EXT1: variants seen among roughly 807,000 people sequenced by gnomAD.
EXT1 encodes exostosin-1.
Under a neutral mutation model 82.5 loss-of-function variants are expected in EXT1, and 20 were observed. The observed-to-expected ratio is 0.24, with a 90% confidence interval of 0.17 to 0.35. The LOEUF is 0.35. Ranked by LOEUF, EXT1 falls within the 10% of genes least tolerant of loss-of-function variation. EXT1 has a pLI of 1.00. For missense variants in EXT1, 757 were observed against 936.5 expected, an observed-to-expected ratio of 0.81 and a Z score of 2.50; for synonymous variants, 348 against 350.8, an observed-to-expected ratio of 0.99 and a Z score of 0.09.
At chr8:118,071,057 G>A (rs778570085) in intron 1 of EXT1, among the ~76,000 whole-genome samples, 102 of 152,146 alleles carry the variant, frequency 6.7e-4, no homozygotes, top group Non-Finnish European at 1.1e-3. Flanking sequence ...GTAAGTGGGT[G>A]TAGTAAACAT....
chr8:117,962,182 A>T (rs1173493316), intron 1 of EXT1, among the ~76,000 whole-genome samples: 1 of 152,306 alleles, frequency 6.6e-6, no homozygotes, highest in East Asian at 1.9e-4. Flanking sequence ...GTAGAAGAAT[A>T]TGCTTCAGAC....
chr8:117,813,054 T>A (rs1023902484), intron 7 of EXT1, 93 bp from the exon 8 acceptor site: 1 of 984,276 alleles, frequency 1.0e-6, no homozygotes, highest in African/African-American at 1.6e-5. Flanking sequence ...CATCCTCACC[T>A]GCATAAAGAA....
At chr8:117,906,120 T>C (rs1038468082) in intron 1 of EXT1, among the ~76,000 whole-genome samples, 1 of 152,218 alleles carries the variant, frequency 6.6e-6, no homozygotes, top group African/African-American at 2.4e-5. Context: ...ATTCTATCCC[T>C]CGTATTTCTT....
At chr8:117,920,950 C>A in intron 1 of EXT1, among the ~76,000 whole-genome samples, 1 of 152,210 alleles carries the variant, frequency 6.6e-6, no homozygotes, top group East Asian at 1.9e-4. Flanking sequence ...CAAGACTCCC[C>A]TCGTCCCTCC....
intron 1 of EXT1, among the ~76,000 whole-genome samples, chr8:117,971,977 C>A (rs1220261422): frequency 6.6e-6 from 1 of 151,960 alleles, no homozygotes; most frequent in East Asian, 1.9e-4. Flanking sequence ...ATGGAGAAAC[C>A]CTGTTTCTTC....
intron 4 of EXT1, among the ~76,000 whole-genome samples, chr8:117,826,268 C>T (rs893570263): frequency 6.6e-6 from 1 of 152,174 alleles, no homozygotes; most frequent in African/African-American, 2.4e-5. Flanking sequence ...CTGTTTTCAA[C>T]TGAGTCTAAG....
chr8:117,924,781 T>C (rs1011984404), intron 1 of EXT1, among the ~76,000 whole-genome samples: 8 of 152,228 alleles, frequency 5.3e-5, no homozygotes, highest in African/African-American at 1.2e-4. Context: ...CATCACTTTA[T>C]TCCCCATATT....
chr8:117,858,367 T>G (rs1812601271), intron 1 of EXT1, among the ~76,000 whole-genome samples: 1 of 152,036 alleles, frequency 6.6e-6, no homozygotes, highest in South Asian at 2.1e-4. Context: ...AACTCCACTG[T>G]TGTGTTATTT....
intron 1 of EXT1, among the ~76,000 whole-genome samples, chr8:117,902,255 T>TAAA (rs138742080): frequency 3.3e-5 from 5 of 150,396 alleles, no homozygotes; most frequent in African/African-American, 1.2e-4. Flanking sequence ...ACAGGTAACT[T>TAAA]AAAAAAAAAT....
chr8:117,860,300 T>C (rs948756532), intron 1 of EXT1, among the ~76,000 whole-genome samples: 33 of 151,730 alleles, frequency 2.2e-4, no homozygotes, highest in African/African-American at 7.3e-4. Context: ...AGCTCAACAA[T>C]GGGTACACAT....
intron 1 of EXT1, among the ~76,000 whole-genome samples, chr8:118,056,549 C>T (rs10955852): frequency 0.38 from 57,230 of 152,050 alleles, 11,367 homozygotes; most frequent in Middle Eastern, 0.5. Context: ...TATTTTCACA[C>T]ATGCGGGCAA....
chr8:117,801,593 C>T (rs868835201), intron 10 of EXT1, among the ~76,000 whole-genome samples: 1 of 152,248 alleles, frequency 6.6e-6, no homozygotes, highest in South Asian at 2.1e-4. Flanking sequence ...GCAACCTCCA[C>T]CACATGGGTT....
intron 1 of EXT1, among the ~76,000 whole-genome samples, chr8:118,105,037 G>A (rs890842890): frequency 6.6e-5 from 10 of 152,172 alleles, no homozygotes; most frequent in Admixed American, 6.5e-4. Flanking sequence ...TACAGGCTGC[G>A]TAGCCTCAGG....
chr8:117,841,259 C>T (rs1287882996), intron 1 of EXT1, among the ~76,000 whole-genome samples: 2 of 152,176 alleles, frequency 1.3e-5, no homozygotes, highest in Non-Finnish European at 2.9e-5. Flanking sequence ...ACTATTGATA[C>T]ACACGACAAC....
At chr8:118,089,337 C>A (rs1371196676) in intron 1 of EXT1, among the ~76,000 whole-genome samples, 2 of 151,976 alleles carry the variant, frequency 1.3e-5, no homozygotes, top group South Asian at 2.1e-4. Context: ...ATAAACTAAT[C>A]GAAGGAGCAT....
chr8:117,848,496 G>A (rs1812402000), intron 1 of EXT1, among the ~76,000 whole-genome samples: 1 of 152,068 alleles, frequency 6.6e-6, no homozygotes, highest in Admixed American at 6.5e-5. Flanking sequence ...AAGAGGCTGT[G>A]GGACAGAAAG....
Position 117,872,607 on chromosome 8 carries a change from T to G in EXT1, c.963-35406A>C, listed in dbSNP as rs374784289. Among the ~76,000 whole-genome samples the G allele has an allele frequency of 5.4e-4, 82 of 152,352 alleles. 2 individuals are homozygous for G. In the South Asian group the frequency reaches 0.013, roughly 24 times the overall value. On this transcript the variant is annotated intron_variant, in intron 1 of 10. Transcript: ENST00000378204. ...ATATGTTTCTGATAATATGTTTGGATAGCTGCTAATTGTGCAGCATTAAAG... is the reference window on the plus strand; with the variant it reads ...ATATGTTTCTGATAATATGTTTGGAGAGCTGCTAATTGTGCAGCATTAAAG...
At chr8:117,819,554 G>C (rs1811885875) in intron 6 of EXT1, 122 bp downstream of exon 6, 1 of 811,068 alleles carries the variant, frequency 1.2e-6, no homozygotes, top group Non-Finnish European at 2.2e-6. Context: ...GGGAGTAGCA[G>C]GGTATGATGT....
chr8:118,062,006 C>G (rs1816888718), intron 1 of EXT1, among the ~76,000 whole-genome samples: 1 of 152,046 alleles, frequency 6.6e-6, no homozygotes, highest in Admixed American at 6.6e-5. Context: ...GAAAGAAATT[C>G]CACAGGAAAC....
Sources: allele counts gnomAD v4.1 joint callset (sites outside exome capture counted in the v4.1 genomes callset), GRCh38; gene constraint gnomAD v4.1.1; transcripts MANE v1.5; gene names NCBI Gene and HGNC (gene_info 2026-07-23, HGNC 2026-07-21).